ROBO2: variants seen among roughly 807,000 people sequenced by gnomAD.
ROBO2 encodes the protein roundabout homolog 2.
In ROBO2, 53 loss-of-function variants were observed where a neutral mutation model predicts 160.8. The ratio of observed to expected loss-of-function variants is 0.33; its 90% CI spans 0.26 to 0.41. The LOEUF (loss-of-function observed/expected upper bound fraction) is 0.41. Ranked by LOEUF, ROBO2 falls within the 10% of genes least tolerant of loss-of-function variation. The probability of loss-of-function intolerance (pLI) is 1.00; values close to 1 mark genes in which losing one functional copy is unlikely to be tolerated. For synonymous variants in ROBO2, 664 were observed against 611.7 expected, an observed-to-expected ratio of 1.09 and a Z score of -1.26; for missense variants, 1,577 against 1,722.4, an observed-to-expected ratio of 0.92 and a Z score of 1.49.
intron 2 of ROBO2, among the ~76,000 whole-genome samples, chr3:77,166,774 T>TG (rs1054794848): frequency 6.6e-6 from 1 of 152,118 alleles, no homozygotes; most frequent in African/African-American, 2.4e-5. Context: ...TTAGCCAGGA[T>TG]GGTCTCGATC....
chr3:76,104,704 A>G (rs531587172), intron 2 of ROBO2, among the ~76,000 whole-genome samples: 1 of 152,208 alleles, frequency 6.6e-6, no homozygotes, highest in Non-Finnish European at 1.5e-5. Context: ...TTTATGAGAG[A>G]CATCTCTTTA....
intron 2 of ROBO2, among the ~76,000 whole-genome samples, chr3:77,355,182 C>T (rs1242902145): frequency 6.6e-6 from 1 of 151,990 alleles, no homozygotes; most frequent in East Asian, 1.9e-4. Context: ...CTCCCATCCC[C>T]TTACCCCAGG....
chr3:76,871,510 C>G (rs527560435), intron 2 of ROBO2, among the ~76,000 whole-genome samples: 1 of 147,820 alleles, frequency 6.8e-6, no homozygotes, highest in East Asian at 2.0e-4. Context: ...GCCGAGATCC[C>G]GCCACTGCAC....
intron 2 of ROBO2, among the ~76,000 whole-genome samples, chr3:77,007,206 A>C (rs1357421270): frequency 6.6e-6 from 1 of 152,168 alleles, no homozygotes; most frequent in African/African-American, 2.4e-5. Context: ...CTTTGTTAAA[A>C]GCTTTGATTT....
At chr3:76,090,402 G>A (rs1257201847) in intron 2 of ROBO2, among the ~76,000 whole-genome samples, 1 of 151,830 alleles carries the variant, frequency 6.6e-6, no homozygotes, top group Non-Finnish European at 1.5e-5. Context: ...CTCCAGCCTG[G>A]GTAACAGAGT....
chr3:76,943,057 C>T (rs1225074448), intron 2 of ROBO2, among the ~76,000 whole-genome samples: 1 of 152,138 alleles, frequency 6.6e-6, no homozygotes, highest in Admixed American at 6.6e-5. Context: ...CCAATGTTCA[C>T]CTAACGTCAT....
intron 2 of ROBO2, among the ~76,000 whole-genome samples, chr3:75,942,573 A>C (rs569840691): frequency 6.6e-6 from 1 of 152,270 alleles, no homozygotes; most frequent in South Asian, 2.1e-4. Context: ...TAAGCGTCTT[A>C]AAATTATAAA....
intron 2 of ROBO2, among the ~76,000 whole-genome samples, chr3:75,997,026 A>G (rs184118857): frequency 1.3e-5 from 2 of 152,334 alleles, no homozygotes; most frequent in East Asian, 3.9e-4. Flanking sequence ...AGACTACTAC[A>G]TCAATTTATG....
intron 2 of ROBO2, among the ~76,000 whole-genome samples, chr3:77,289,820 G>C (rs962713547): frequency 2.0e-5 from 3 of 151,898 alleles, no homozygotes; most frequent in Middle Eastern, 3.2e-3. Context: ...AAGTAAAATT[G>C]ACAGTTAAAC....
intron 2 of ROBO2, among the ~76,000 whole-genome samples, chr3:76,804,947 A>G (rs1010316568): frequency 6.6e-6 from 1 of 152,198 alleles, no homozygotes; most frequent in Admixed American, 6.5e-5. Context: ...GCATTCTAAG[A>G]CTAGATTTAT....
intron 2 of ROBO2, among the ~76,000 whole-genome samples, chr3:77,187,514 G>T (rs986123775): frequency 1.3e-5 from 2 of 151,802 alleles, no homozygotes; most frequent in Non-Finnish European, 2.9e-5. Context: ...TTTTGGTCTC[G>T]TTTTTACAGG....
At chr3:75,983,574 C>G (rs1240565073) in intron 2 of ROBO2, among the ~76,000 whole-genome samples, 1 of 151,314 alleles carries the variant, frequency 6.6e-6, no homozygotes, top group Non-Finnish European at 1.5e-5. Context: ...TTCTAAAAAA[C>G]TGAATTGTGC....
intron 2 of ROBO2, among the ~76,000 whole-genome samples, chr3:77,218,806 A>G (rs949419221): frequency 1.3e-5 from 2 of 152,140 alleles, no homozygotes; most frequent in Non-Finnish European, 2.9e-5. Flanking sequence ...TTCCTTTACA[A>G]TGGAAGTGCT....
chr3:76,211,716 A>AT (rs1169245356), intron 2 of ROBO2, among the ~76,000 whole-genome samples: 1 of 152,022 alleles, frequency 6.6e-6, no homozygotes, highest in Non-Finnish European at 1.5e-5. Flanking sequence ...AAGTGTATAC[A>AT]TTTTTTGTAC....
intron 2 of ROBO2, among the ~76,000 whole-genome samples, chr3:76,991,361 TC>T (rs1252016864): frequency 2.0e-5 from 3 of 152,220 alleles, no homozygotes; most frequent in Non-Finnish European, 4.4e-5. Context: ...TATGAGTAAT[TC>T]ACCTAAATGC....
At chr3:76,684,158 C>T (rs2092635095) in intron 2 of ROBO2, among the ~76,000 whole-genome samples, 1 of 152,016 alleles carries the variant, frequency 6.6e-6, no homozygotes, top group Admixed American at 6.6e-5. Context: ...AAGCAACAAA[C>T]AAACAAAAAA....
chr3:76,093,346 G>T (rs141563645), intron 2 of ROBO2, among the ~76,000 whole-genome samples: 358 of 150,562 alleles, frequency 2.4e-3, no homozygotes, highest in Middle Eastern at 6.8e-3. Context: ...GATCATCTTT[G>T]CCACACAAGA....
intron 2 of ROBO2, among the ~76,000 whole-genome samples, chr3:76,596,932 T>C (rs532475505): frequency 6.6e-6 from 1 of 152,272 alleles, no homozygotes; most frequent in South Asian, 2.1e-4. Flanking sequence ...TTTAAAGCCC[T>C]CTGTCAACTT....
chr3:77,251,360 C>G (rs543232935), intron 2 of ROBO2, among the ~76,000 whole-genome samples: 1 of 152,172 alleles, frequency 6.6e-6, no homozygotes, highest in Non-Finnish European at 1.5e-5. Flanking sequence ...GTGTGGTGGC[C>G]AAAGGGTGCT....
Sources: allele counts gnomAD v4.1 joint callset (sites outside exome capture counted in the v4.1 genomes callset), GRCh38; gene constraint gnomAD v4.1.1; transcripts MANE v1.5; gene names NCBI Gene and HGNC (gene_info 2026-07-23, HGNC 2026-07-21).